The following GPM6A variants were observed in gnomAD, a reference collection of about 807,000 sequenced individuals.
GPM6A encodes glycoprotein M6A, also known as neuronal membrane glycoprotein M6-a.
In GPM6A, 7 loss-of-function variants were observed where a neutral mutation model predicts 32.1. The observed-to-expected ratio is 0.22, with a 90% CI of 0.12 to 0.41. The LOEUF is 0.41. Ranked by LOEUF, GPM6A falls within the 10% of genes least tolerant of loss-of-function variation. The pLI, the probability that GPM6A is intolerant of heterozygous loss-of-function variation, is 1.00. For missense variants in GPM6A, 235 were observed against 347.2 expected (o/e 0.68, Z 2.57); for synonymous variants, 130 against 123.4 (o/e 1.05, Z -0.35).
chr4:175,653,201 A>G (rs939171738), intron 3 of GPM6A, among the ~76,000 whole-genome samples: 3 of 152,130 alleles, frequency 2.0e-5, no homozygotes, highest in Non-Finnish European at 2.9e-5. Flanking sequence ...ATGCACGTAT[A>G]TTAAAGTTAT....
At chr4:175,834,374 G>T (rs1495718) in intron 1 of GPM6A, among the ~76,000 whole-genome samples, 1 of 152,072 alleles carries the variant, frequency 6.6e-6, no homozygotes, top group South Asian at 2.1e-4. Flanking sequence ...TGTTTGCATG[G>T]GTGGTTACAA....
At chr4:175,810,712 A>G (rs549377220) in intron 1 of GPM6A, among the ~76,000 whole-genome samples, 1 of 152,352 alleles carries the variant, frequency 6.6e-6, no homozygotes, top group African/African-American at 2.4e-5. Flanking sequence ...TTGATCGGCC[A>G]ATAAGTATCA....
At chr4:175,954,147 A>C (rs1739908018) in intron 1 of GPM6A, among the ~76,000 whole-genome samples, 1 of 152,200 alleles carries the variant, frequency 6.6e-6, no homozygotes, top group Non-Finnish European at 1.5e-5. Flanking sequence ...GGTAGACACT[A>C]GTCACATGTG....
upstream of GPM6A, among the ~76,000 whole-genome samples, chr4:175,813,597 C>T (rs1369792638): frequency 6.6e-6 from 1 of 152,000 alleles, no homozygotes; most frequent in Non-Finnish European, 1.5e-5. Context: ...CACACAAGGA[C>T]ACACACACAG....
intron 1 of GPM6A, among the ~76,000 whole-genome samples, chr4:175,738,068 G>T (rs1442012833): frequency 6.6e-6 from 1 of 151,848 alleles, no homozygotes; most frequent in African/African-American, 2.4e-5. Flanking sequence ...CTCCCGAATA[G>T]CTGGGACCAC....
At chr4:175,668,391 C>A (rs1249229797) in intron 3 of GPM6A, among the ~76,000 whole-genome samples, 1 of 151,906 alleles carries the variant, frequency 6.6e-6, no homozygotes, top group African/African-American at 2.4e-5. Flanking sequence ...ACACCCCACC[C>A]CCCAAATCTT....
Position 175,698,587 on chromosome 4 carries a change from G to GTTA in GPM6A, c.230+2987_230+2988insTAA, listed in dbSNP as rs1744701565. On this transcript the variant is annotated intron_variant, in intron 2 of 6. Transcript: ENST00000393658. ...TTAAATTTATCACTTGGCACTAATCGTATTAAGAGGTTTACAGTACATATT... is the reference window on the plus strand; with the variant it reads ...TTAAATTTATCACTTGGCACTAATCGTTATATTAAGAGGTTTACAGTACATATT... 2.6e-5 allele frequency among the ~76,000 whole-genome samples: 4 copies of GTTA among 152,112 alleles called. No homozygotes were observed. The South Asian group carries it at 8.3e-4, about 32-fold the overall frequency.
intron 1 of GPM6A, among the ~76,000 whole-genome samples, chr4:175,916,883 C>A (rs1465290545): frequency 6.6e-6 from 1 of 152,076 alleles, no homozygotes; most frequent in African/African-American, 2.4e-5. Flanking sequence ...AGGTGAGGTG[C>A]GGGAGAGGTT....
At chr4:175,865,245 G>A (rs1736696019) in intron 1 of GPM6A, among the ~76,000 whole-genome samples, 1 of 152,130 alleles carries the variant, frequency 6.6e-6, no homozygotes, top group Admixed American at 6.5e-5. Flanking sequence ...AAATCAACTG[G>A]CTATATAGAT....
At chr4:175,727,075 G>GA (rs1358807429) in intron 1 of GPM6A, among the ~76,000 whole-genome samples, 1 of 151,666 alleles carries the variant, frequency 6.6e-6, no homozygotes, top group East Asian at 1.9e-4. Flanking sequence ...TACCCCAAAA[G>GA]AAAAAAATAG....
chr4:175,728,430 G>A (rs1731276072), intron 1 of GPM6A, among the ~76,000 whole-genome samples: 1 of 152,040 alleles, frequency 6.6e-6, no homozygotes, highest in Non-Finnish European at 1.5e-5. Flanking sequence ...ACATGATTTT[G>A]TTTTCCAACC....
chr4:175,676,278 G>T (rs570280028), intron 2 of GPM6A, among the ~76,000 whole-genome samples: 13 of 152,058 alleles, frequency 8.5e-5, no homozygotes, highest in Non-Finnish European at 1.9e-4. Context: ...ACTAATACAG[G>T]ATCTGCCAGC....
chr4:175,947,493 T>A (rs978952876), intron 1 of GPM6A, among the ~76,000 whole-genome samples: 1 of 152,110 alleles, frequency 6.6e-6, no homozygotes, highest in African/African-American at 2.4e-5. Flanking sequence ...ATAATATTTC[T>A]TAAGTCTGAA....
At chr4:175,960,020 C>T (rs768122099) in intron 1 of GPM6A, among the ~76,000 whole-genome samples, 3 of 152,080 alleles carry the variant, frequency 2.0e-5, no homozygotes, top group Non-Finnish European at 4.4e-5. Flanking sequence ...AAAATTGAGG[C>T]ACAAAGAGGT....
chr4:175,799,367 C>T (rs1276319813), intron 1 of GPM6A, among the ~76,000 whole-genome samples: 2 of 152,130 alleles, frequency 1.3e-5, no homozygotes, highest in African/African-American at 4.8e-5. Flanking sequence ...CATTCAATGA[C>T]CTCTTCCAAA....
Position 175,951,968 on chromosome 4 carries a change from G to A in GPM6A, c.-23+50341C>T, listed in dbSNP as rs557598582. 1.2e-4 allele frequency among the ~76,000 whole-genome samples: 19 copies of A among 152,354 alleles called. No individual in the cohort carries two copies. The South Asian group carries it at 2.3e-3, about 18-fold the overall frequency. ...CACCATCGGCTCTCCTGGGCTTGCAGCCTGCTGGCAGCCATGCTGCAGACT... is the reference window on the plus strand; with the variant it reads ...CACCATCGGCTCTCCTGGGCTTGCAACCTGCTGGCAGCCATGCTGCAGACT... On this transcript the variant is annotated intron_variant, in intron 1 of 7. Coordinates refer to the GPM6A transcript ENST00000280187.
chr4:175,652,708 C>A (rs1220852338), intron 3 of GPM6A, among the ~76,000 whole-genome samples: 1 of 151,796 alleles, frequency 6.6e-6, no homozygotes, highest in Non-Finnish European at 1.5e-5. Context: ...GAATAAAATA[C>A]TTAGTTTAAG....
chr4:175,698,043 G>A (rs774737086), intron 2 of GPM6A, among the ~76,000 whole-genome samples: 65 of 152,116 alleles, frequency 4.3e-4, no homozygotes, highest in Non-Finnish European at 7.5e-4. Flanking sequence ...TATTGATCAT[G>A]TTGAGATAAG....
At chr4:175,669,403 A>C (rs959104253) in intron 3 of GPM6A, among the ~76,000 whole-genome samples, 1 of 152,134 alleles carries the variant, frequency 6.6e-6, no homozygotes, top group Non-Finnish European at 1.5e-5. Flanking sequence ...TTGAATTTCA[A>C]ATTTTTTTTA....
Sources: gnomAD v4.1 joint callset for allele counts (sites outside exome capture counted in the v4.1 genomes callset) on GRCh38, gnomAD v4.1.1 for gene constraint, MANE v1.5 for transcripts, NCBI Gene and HGNC (gene_info 2026-07-23, HGNC 2026-07-21) for gene names.